Variants in TCF12 observed in about 807,000 individuals in gnomAD.
TCF12 encodes DNA-binding protein HTF4.
Under a neutral mutation model 86.0 loss-of-function variants are expected in TCF12, and 45 were observed. That is an observed-to-expected ratio of 0.52 (90% CI 0.41 to 0.67). TCF12 has a LOEUF of 0.67. TCF12 is among the 30% of genes least tolerant of loss of function. The pLI, the probability that TCF12 is intolerant of heterozygous loss-of-function variation, is 0.00. For synonymous variants in TCF12, 330 were observed against 299.6 expected (o/e 1.10, Z -1.05); for missense variants, 881 against 859.9 (o/e 1.02, Z -0.31).
At position 57,232,291 on chromosome 15, in the gene TCF12, A is replaced by G. The variant is rs1165555637; in HGVS notation, c.686A>G (p.Asp229Gly). 3.1e-6 allele frequency: 5 copies of G among 1,613,718 alleles called. No homozygotes were observed. Among genetic ancestry groups the G allele is most frequent in the Non-Finnish European group, 4.2e-6 (5 of 1,179,840 alleles). ...TTTTATATTTCTCTTTTTGTCTTAGATGGGACCCACAATTCTTCTGACCTT... is the reference window on the plus strand; with the variant it reads ...TTTTATATTTCTCTTTTTGTCTTAGGTGGGACCCACAATTCTTCTGACCTT... ...SMFASTFFMQ[D>G]GTHNSSDLWS... is the part of the protein sequence containing the mutation. The change falls in exon 10 of 21, where the codon GAT (aspartate) becomes GGT (glycine). Residue 229 changes from aspartate (D) to glycine (G), a missense_variant and splice_region_variant. Physicochemically the swap from Asp to Gly is moderately conservative, Grantham distance 94. This residue lies in a region of TCF12 where 766 missense variants were observed against 718.9 expected (regional missense o/e 1.07). Transcript: ENST00000333725.
chr15:57,050,501 A>G (rs2962994), intron 3 of TCF12, among the ~76,000 whole-genome samples: 124,826 of 152,072 alleles, frequency 0.82, 51,760 homozygotes, highest in African/African-American at 0.94. Context: ...TTGCACTTTA[A>G]CATTTTTACT....
chr15:57,091,702 G>T (rs2049002394), intron 4 of TCF12, 87 bp from the exon 5 acceptor site: 5 of 873,692 alleles, frequency 5.7e-6, no homozygotes, highest in South Asian at 1.8e-5. Flanking sequence ...GTGTAAGTCT[G>T]TATATTAATT....
chr15:57,004,386 C>T (rs1429214019), intron 3 of TCF12, among the ~76,000 whole-genome samples: 2 of 151,920 alleles, frequency 1.3e-5, no homozygotes, highest in South Asian at 4.1e-4. Flanking sequence ...TGCAGGTGTG[C>T]ACCACCATGC....
rs185482246 is a variant in TCF12, at chr15:57,060,739, A to G, written c.149-3011A>G. Among the ~76,000 whole-genome samples the G allele has an allele frequency of 3.6e-3, 551 of 152,320 alleles. 6 individuals carry two copies. Among genetic ancestry groups the G allele is most frequent in the African/African-American group, 0.013 (525 of 41,582 alleles). On this transcript the variant is annotated intron_variant, in intron 3 of 20. Coordinates refer to ENST00000333725, the MANE Select transcript of TCF12 (RefSeq NM_207037.2). ...GCAACTGTGGTGTATTTTCTTGTCA[A>G]TAGGTATTTTTTTCAGATTTTGGTC...
chr15:57,189,006 C>G (rs180756530), intron 6 of TCF12, among the ~76,000 whole-genome samples: 15 of 152,306 alleles, frequency 9.8e-5, no homozygotes, highest in Non-Finnish European at 1.9e-4. Context: ...CCAGGCTTGT[C>G]TTGAACTCCT....
chr15:57,018,934 A>G lies in TCF12; in HGVS notation c.149-44816A>G, dbSNP rs571758300. On this transcript the variant is annotated intron_variant, in intron 3 of 20. Transcript: ENST00000333725. ...TGATTCTGTGCTGAGATGTGTTGAT[A>G]AAAATCTAGAATGGGGTGAAAGGCC... 4.6e-5 allele frequency among the ~76,000 whole-genome samples: 7 copies of G among 152,334 alleles called. No homozygotes were observed. In the East Asian group the frequency reaches 1.3e-3, roughly 29 times the overall value.
intron 3 of TCF12, among the ~76,000 whole-genome samples, chr15:57,054,337 A>G (rs576664183): frequency 2.6e-5 from 4 of 152,358 alleles, no homozygotes; most frequent in African/African-American, 9.6e-5. Flanking sequence ...GTTATGCAGA[A>G]ACTGCTTTAT....
intron 3 of TCF12, among the ~76,000 whole-genome samples, chr15:57,041,731 A>G (rs1446293018): frequency 1.3e-5 from 2 of 152,214 alleles, no homozygotes; most frequent in Admixed American, 6.5e-5. Context: ...GACATCACTT[A>G]TACAAAAGCA....
intron 3 of TCF12, among the ~76,000 whole-genome samples, chr15:57,063,375 A>G (rs2068607041): frequency 2.6e-5 from 4 of 152,216 alleles, no homozygotes; most frequent in Admixed American, 2.6e-4. Context: ...CTTAACTATG[A>G]AAAATGAATT....
At chr15:57,236,714 T>A (rs1385489331) in intron 12 of TCF12, among the ~76,000 whole-genome samples, 2 of 152,200 alleles carry the variant, frequency 1.3e-5, no homozygotes, top group Non-Finnish European at 2.9e-5. Flanking sequence ...CAAAGGTTCC[T>A]TTATTTTAGG....
intron 4 of TCF12, among the ~76,000 whole-genome samples, chr15:57,081,152 TTTG>T (rs1376873833): frequency 1.3e-5 from 2 of 152,238 alleles, no homozygotes; most frequent in Non-Finnish European, 2.9e-5. Flanking sequence ...TTTGTTTTGT[TTTG>T]TTGTTGCATT....
intron 12 of TCF12, among the ~76,000 whole-genome samples, chr15:57,243,062 T>G (rs1168977824): frequency 6.6e-6 from 1 of 152,202 alleles, no homozygotes; most frequent in Non-Finnish European, 1.5e-5. Flanking sequence ...GCCTTTAAAC[T>G]GTCCATAAAG....
chr15:57,192,006 G>T (rs908787853), intron 6 of TCF12, 152 bp from the exon 7 acceptor site: 12 of 754,366 alleles, frequency 1.6e-5, no homozygotes, highest in Non-Finnish European at 2.3e-5. Flanking sequence ...TGGGCTGAAA[G>T]CAGTGGTCTA....
chr15:57,054,449 A>G (rs1466959126), intron 3 of TCF12, among the ~76,000 whole-genome samples: 2 of 152,188 alleles, frequency 1.3e-5, no homozygotes, highest in African/African-American at 2.4e-5. Flanking sequence ...GTGTAAGTCC[A>G]TTTGTAATGT....
intron 8 of TCF12, among the ~76,000 whole-genome samples, chr15:57,201,501 G>A (rs2057541535): frequency 6.6e-6 from 1 of 151,964 alleles, no homozygotes; most frequent in Non-Finnish European, 1.5e-5. Flanking sequence ...ACATCTAAAA[G>A]TACAGCATTA....
At chr15:57,057,010 C>G (rs1208292367) in intron 3 of TCF12, among the ~76,000 whole-genome samples, 2 of 152,182 alleles carry the variant, frequency 1.3e-5, no homozygotes, top group Admixed American at 6.5e-5. Context: ...GAAATTGTGG[C>G]TTATTTTCAT....
chr15:57,163,175 AAAAAAAT>A (rs1268692623), intron 5 of TCF12, among the ~76,000 whole-genome samples: 1 of 152,086 alleles, frequency 6.6e-6, no homozygotes, highest in Admixed American at 6.5e-5. Flanking sequence ...CTCAGTCTCA[AAAAAAAT>A]AAAAAATAAA....
chr15:57,059,607 T>C (rs1567338357), intron 3 of TCF12, among the ~76,000 whole-genome samples: 1 of 152,044 alleles, frequency 6.6e-6, no homozygotes, highest in Non-Finnish European at 1.5e-5. Context: ...TCAGCAGGTT[T>C]GTTCCTAATT....
At chr15:57,086,212 G>GATGATA (rs1555501430) in intron 4 of TCF12, among the ~76,000 whole-genome samples, 8,932 of 141,546 alleles carry the variant, frequency 0.063, 533 homozygotes, top group Admixed American at 0.18. Flanking sequence ...GGATGATGAT[G>GATGATA]ATAATAATAA....
Sources: gnomAD v4.1 joint callset for allele counts (sites outside exome capture counted in the v4.1 genomes callset) on GRCh38, gnomAD v4.1.1 for gene constraint, gnomAD v4.1.1 regional missense constraint, MANE v1.5 for transcripts, NCBI Gene and HGNC (gene_info 2026-07-23, HGNC 2026-07-21) for gene names.